PCLO: variants seen among roughly 807,000 people sequenced by gnomAD.
The protein encoded by PCLO is protein piccolo.
In PCLO, 82 loss-of-function variants were observed where a neutral mutation model predicts 427.5. The ratio of observed to expected loss-of-function variants is 0.19; its 90% confidence interval spans 0.16 to 0.23. PCLO has a LOEUF of 0.23. PCLO is among the 10% of genes least tolerant of loss of function. The pLI is 1.00. For missense variants in PCLO, 6,239 were observed against 6,115.9 expected, an observed-to-expected ratio of 1.02 and a Z score of -0.67; for synonymous variants, 2,357 against 2,155.4, an observed-to-expected ratio of 1.09 and a Z score of -2.59.
intron 20 of PCLO, among the ~76,000 whole-genome samples, chr7:82,820,302 AT>A (rs1234404905): frequency 3.3e-5 from 5 of 152,184 alleles, no homozygotes; most frequent in African/African-American, 1.2e-4. Context: ...TTTTCCATCT[AT>A]CTTATAGTGT....
chr7:83,012,572 G>C (rs568381261), intron 3 of PCLO, among the ~76,000 whole-genome samples: 1 of 132,548 alleles, frequency 7.5e-6, no homozygotes, highest in East Asian at 2.4e-4. Context: ...AGCCGAGATC[G>C]CACAATTGCA....
Position 83,041,612 on chromosome 7 carries a change from C to A in PCLO, c.3301-75125G>T, listed in dbSNP as rs117454914. On this transcript the variant is annotated intron_variant, in intron 3 of 24. Transcript: ENST00000333891. ...ATAGCATCATTTTCATTTTTAATAT[C>A]TTTTCAAGCAATTCTTAACCTATAG... 7.0e-4 allele frequency among the ~76,000 whole-genome samples: 107 copies of A among 152,202 alleles called. 6 individuals carry two copies. In the East Asian group the frequency reaches 0.019, roughly 27 times the overall value.
At chr7:82,881,067 T>C (rs1401114821) in intron 9 of PCLO, among the ~76,000 whole-genome samples, 1 of 152,142 alleles carries the variant, frequency 6.6e-6, no homozygotes, top group African/African-American at 2.4e-5. Flanking sequence ...CTATAACTTA[T>C]AGAGGTATGG....
In PCLO at chr7:82,794,930, T is replaced by C. The variant is rs567734793; in HGVS notation, c.15007+6588A>G. ...TTGCTCATTGCTTTTATTTTTGGTTTATTTTACTATATGTGTTATTATTAT... is the reference window on the plus strand; with the variant it reads ...TTGCTCATTGCTTTTATTTTTGGTTCATTTTACTATATGTGTTATTATTAT... On this transcript the variant is annotated intron_variant, in intron 22 of 24. Transcript: ENST00000333891. 3.9e-5 allele frequency among the ~76,000 whole-genome samples: 6 copies of C among 152,248 alleles called. No homozygotes were observed. In the East Asian group the frequency reaches 1.2e-3, roughly 29 times the overall value.
rs535613482 is a variant in PCLO at position 82,880,621 on chromosome 7, C to T, written c.13529-1159G>A. On this transcript the variant is annotated intron_variant, in intron 9 of 24. Coordinates refer to ENST00000333891, the MANE Select transcript of PCLO (RefSeq NM_033026.6). ...GTCTAGAAACATTTTTGGTTGTCAC[C>T]GTGGAACGATGCTACTGGCATTTAG... Among the ~76,000 whole-genome samples, 9 of 152,198 alleles carry T rather than the reference C, an allele frequency of 5.9e-5. 1 individual carries two copies. The highest frequency in any genetic ancestry group is 3.4e-3 in the Middle Eastern group (1 of 294).
Position 82,954,216 on chromosome 7 carries a change from G to A in PCLO, c.6737C>T (p.Ser2246Phe), listed in dbSNP as rs1795447104. ...IIDYPEEISV[S>F]LDRTAPPDGR... ...ATCTGGTGGGGCAGTCCGATCTAAA[G>A]ATACACTTATTTCTTCTGGATAGTC... Residue 2246 changes from serine (S) to phenylalanine (F), a missense_variant, in exon 5 of 25, where the codon TCT becomes TTT. Transcript: ENST00000333891. 2 of 1,613,622 alleles carry A rather than the reference G, an allele frequency of 1.2e-6. No homozygotes were observed. The highest frequency in any genetic ancestry group is 1.7e-6 in the Non-Finnish European group (2 of 1,179,710).
chr7:83,135,473 C>T lies in PCLO; in HGVS notation c.2077G>A (p.Asp693Asn), dbSNP rs780444839. ...TTAGGCTCAGGTGCCTTGGAGAGAT[C>T]CTGTTTTGGTGCAGCATCCTTCTTT... Reference protein sequence around the residue: ...SPKKDAAPKQDLSKAPEPKKP... With the variant: ...SPKKDAAPKQNLSKAPEPKKP... The change falls in exon 3 of 25, where the codon GAT becomes AAT. Residue 693 changes from aspartate to asparagine, a missense_variant. Transcript: ENST00000333891. 2.7e-5 allele frequency: 43 copies of T among 1,613,442 alleles called. No individual in the cohort carries two copies. In the African/African-American group the frequency reaches 5.2e-4, roughly 20 times the overall value.
At chr7:82,909,155 A>G (rs1368380583) in intron 7 of PCLO, 142 bp from the exon 8 acceptor site, 1 of 721,942 alleles carries the variant, frequency 1.4e-6, no homozygotes, top group African/African-American at 1.8e-5. Context: ...TGGGACTAGA[A>G]AAATTATTTT....
intron 3 of PCLO, among the ~76,000 whole-genome samples, chr7:83,026,313 T>C (rs2116098664): frequency 6.6e-6 from 1 of 152,150 alleles, no homozygotes; most frequent in East Asian, 1.9e-4. Flanking sequence ...TCCCAGTCTC[T>C]GATAAAACAG....
chr7:83,071,250 C>T (rs1159374931), intron 3 of PCLO, among the ~76,000 whole-genome samples: 1 of 152,166 alleles, frequency 6.6e-6, no homozygotes, highest in Non-Finnish European at 1.5e-5. Flanking sequence ...CTCTAATCTA[C>T]TTTCTGCCTC....
Position 82,916,521 on chromosome 7 carries a change from G to A in PCLO, c.11465C>T (p.Ala3822Val), listed in dbSNP as rs776811916. 1.9e-6 allele frequency: 3 copies of A among 1,613,484 alleles called. No homozygotes were observed. Among genetic ancestry groups the A allele is most frequent in the African/African-American group, 1.3e-5 (1 of 74,894 alleles). The part of the protein sequence containing the change: ...LLKEREKRER[A>V]YLQGVAEDRD... Reference sequence around the variant, plus strand: ...ATCCTCAGCTACTCCCTGGAGGTAGGCTCGTTCTCTCTTTTCTCTCTCCTT... The same window carrying A: ...ATCCTCAGCTACTCCCTGGAGGTAGACTCGTTCTCTCTTTTCTCTCTCCTT... Residue 3822 changes from alanine (A) to valine (V), a missense_variant, in exon 7 of 25, where the codon GCC (alanine) becomes GTC (valine). This residue lies in a region of PCLO where 680 missense variants were observed against 677.3 expected (regional missense o/e 1.00). Transcript: ENST00000333891.
intron 13 of PCLO, among the ~76,000 whole-genome samples, chr7:82,844,168 T>C (rs2115798502): frequency 6.6e-6 from 1 of 152,302 alleles, no homozygotes; most frequent in South Asian, 2.1e-4. Flanking sequence ...AATTTAGTAT[T>C]AATTATGTTG....
chr7:83,020,001 G>A (rs956483358), intron 3 of PCLO, among the ~76,000 whole-genome samples: 2 of 152,100 alleles, frequency 1.3e-5, no homozygotes, highest in Non-Finnish European at 2.9e-5. Context: ...GAGTCTAAAT[G>A]ATGAAGAAGA....
chr7:83,125,100 G>C (rs1212051702), intron 3 of PCLO, among the ~76,000 whole-genome samples: 4 of 137,302 alleles, frequency 2.9e-5, no homozygotes, highest in Non-Finnish European at 1.7e-5. Flanking sequence ...ATCTCGGCTC[G>C]CTACAACCTC....
chr7:82,906,155 TTGTG>T lies in PCLO; in HGVS notation c.13437+2718_13437+2721del, dbSNP rs541666411. On this transcript the variant is annotated intron_variant, in intron 8 of 24. Coordinates refer to ENST00000333891, the MANE Select transcript of PCLO (RefSeq NM_033026.6). ...CGGTTTATTTTTATAATTAATATGA[TTGTG>T]TGTCTAATAAAAAATTTTCAGAAAT... is the stretch of plus-strand genomic sequence containing the variant. 2.2e-3 allele frequency among the ~76,000 whole-genome samples: 328 copies of T among 151,984 alleles called. 3 individuals are homozygous for T. The highest frequency in any genetic ancestry group is 7.7e-3 in the African/African-American group (320 of 41,456).
Position 82,826,608 on chromosome 7 carries a change from G to C in PCLO, c.14396C>G (p.Ser4799Cys). The change falls in exon 18 of 25, where the codon TCC becomes TGC. Residue 4799 changes from serine to cysteine, a missense_variant. Around this residue, in one of 5 missense-constraint regions of PCLO, gnomAD observed 877 missense variants for 925.5 expected, o/e 0.95. Transcript: ENST00000333891. ...VTVWDYDRFS[S>C]NDFLGEVLID... ...GCTTACCTCCCCAAGGAAGTCGTTGGATGAAAATCTATCATAATCCCAAAC... is the reference window on the plus strand; with the variant it reads ...GCTTACCTCCCCAAGGAAGTCGTTGCATGAAAATCTATCATAATCCCAAAC... The C allele has an allele frequency of 6.2e-7, 1 of 1,606,464 alleles. No individual in the cohort carries two copies. The highest frequency in any genetic ancestry group is 1.3e-5 in the African/African-American group (1 of 74,790).
intron 3 of PCLO, among the ~76,000 whole-genome samples, chr7:83,050,208 GAAAAAAAAAA>G (rs556193471): frequency 0.049 from 268 of 5,440 alleles, 1 homozygote; most frequent in Middle Eastern, 0.38. Context: ...CTGAAAAACT[GAAAAAAAAAA>G]AAAAAAAAAA....
chr7:82,955,800 G>A lies in PCLO; in HGVS notation c.5153C>T (p.Ser1718Leu), dbSNP rs374430015. The A allele has an allele frequency of 1.4e-5, 22 of 1,613,842 alleles. No individual in the cohort carries two copies. The highest frequency in any genetic ancestry group is 1.6e-4 in the Middle Eastern group (1 of 6,084). Reference protein sequence around the residue: ...PEDRSRGEGSSSLHASSFTPG... With the variant: ...PEDRSRGEGSLSLHASSFTPG... ...AGTGAAGCTGGAAGCATGCAGACTC[G>A]AAGATCCCTCTCCCCTTGACCTATC... The change falls in exon 5 of 25, where the codon TCG (serine) becomes TTG (leucine). Residue 1718 changes from serine to leucine, a missense_variant. Transcript: ENST00000333891.
chr7:83,046,231 C>T (rs1161199455), intron 3 of PCLO, among the ~76,000 whole-genome samples: 1 of 152,044 alleles, frequency 6.6e-6, no homozygotes, highest in Non-Finnish European at 1.5e-5. Context: ...AGAGATAACA[C>T]ATATAAATTT....
Sources: gnomAD v4.1 joint callset for allele counts (sites outside exome capture counted in the v4.1 genomes callset) on GRCh38, gnomAD v4.1.1 for gene constraint, gnomAD v4.1.1 regional missense constraint, MANE v1.5 for transcripts, NCBI Gene and HGNC (gene_info 2026-07-23, HGNC 2026-07-21) for gene names.